CHSY3: variants seen among roughly 807,000 people sequenced by gnomAD.
CHSY3 encodes chondroitin sulfate synthase 3.
In CHSY3, 35 loss-of-function variants were observed where a neutral mutation model predicts 67.2. The ratio of observed to expected loss-of-function variants is 0.52; its 90% CI spans 0.40 to 0.69. CHSY3 has a LOEUF of 0.69. Ranked by LOEUF, CHSY3 falls within the 30% of genes least tolerant of loss-of-function variation. The pLI, the probability that CHSY3 is intolerant of heterozygous loss-of-function variation, is 0.00. For synonymous variants in CHSY3, 474 were observed against 434.7 expected (o/e 1.09, Z -1.12); for missense variants, 1,069 against 1,138.5 (o/e 0.94, Z 0.88).
At chr5:130,171,149 A>G (rs937670018) in intron 2 of CHSY3, among the ~76,000 whole-genome samples, 1 of 152,170 alleles carries the variant, frequency 6.6e-6, no homozygotes, top group Non-Finnish European at 1.5e-5. Context: ...TTGAAAGTTT[A>G]CCAAATTTTT....
intron 2 of CHSY3, among the ~76,000 whole-genome samples, chr5:130,136,160 C>T (rs185244345): frequency 9.8e-5 from 15 of 152,290 alleles, no homozygotes; most frequent in African/African-American, 3.1e-4. Context: ...GTGAGAAAGG[C>T]TTCACCAAGG....
At chr5:130,180,747 C>T (rs956980383) in intron 2 of CHSY3, among the ~76,000 whole-genome samples, 1 of 151,726 alleles carries the variant, frequency 6.6e-6, no homozygotes, top group Non-Finnish European at 1.5e-5. Context: ...CCTAGCTACT[C>T]AGGAGGCTGA....
intron 2 of CHSY3, among the ~76,000 whole-genome samples, chr5:130,023,991 CTAGGTATTGG>C (rs761170787): frequency 2.0e-5 from 3 of 151,796 alleles, no homozygotes; most frequent in Non-Finnish European, 4.4e-5. Flanking sequence ...TTTCCTAATA[CTAGGTATTGG>C]TAGCAACTCT....
chr5:130,036,373 G>T (rs148138886), intron 2 of CHSY3, among the ~76,000 whole-genome samples: 1 of 151,950 alleles, frequency 6.6e-6, no homozygotes, highest in East Asian at 1.9e-4. Context: ...CTAGCATATC[G>T]TAGCTAATCT....
At chr5:129,923,175 A>G (rs895772095) in intron 2 of CHSY3, among the ~76,000 whole-genome samples, 1 of 152,154 alleles carries the variant, frequency 6.6e-6, no homozygotes, top group African/African-American at 2.4e-5. Flanking sequence ...TTGCAGAACT[A>G]GTGATTGATT....
chr5:129,908,177 A>C lies in CHSY3; in HGVS notation c.903A>C (p.Gly301=), dbSNP rs1760389615. Residue 301 remains glycine, a synonymous_variant, in exon 2 of 3, where the codon GGA becomes GGC. Coordinates refer to ENST00000305031, the MANE Select transcript of CHSY3 (RefSeq NM_175856.5). ...ATATTGAAGAGCTTGGAAAGCTGGG[A>C]CTGGAGCCTGGGGAAAACTTCTGTA... ...LGNIEELGKL[G]LEPGENFCMG... 6.2e-7 allele frequency: 1 copy of C among 1,614,118 alleles called. No individual in the cohort carries two copies. The highest frequency in any genetic ancestry group is 8.5e-7 in the Non-Finnish European group (1 of 1,180,054).
intron 2 of CHSY3, among the ~76,000 whole-genome samples, chr5:130,181,489 T>C (rs1040075211): frequency 3.3e-5 from 5 of 152,092 alleles, no homozygotes; most frequent in African/African-American, 1.2e-4. Flanking sequence ...GGCCCACATA[T>C]CCACACATTT....
intron 2 of CHSY3, among the ~76,000 whole-genome samples, chr5:130,073,189 A>G (rs1158849445): frequency 2.6e-5 from 4 of 152,148 alleles, no homozygotes; most frequent in African/African-American, 4.8e-5. Flanking sequence ...TGGATGATGT[A>G]TATGTTAATT....
chr5:130,107,273 T>C (rs1019788219), intron 2 of CHSY3, among the ~76,000 whole-genome samples: 2 of 151,346 alleles, frequency 1.3e-5, no homozygotes, highest in Admixed American at 6.6e-5. Context: ...CCAAGCATTA[T>C]GTAAAGGGTA....
intron 2 of CHSY3, among the ~76,000 whole-genome samples, chr5:129,996,506 A>G (rs1472858048): frequency 6.6e-6 from 1 of 152,202 alleles, no homozygotes; most frequent in Non-Finnish European, 1.5e-5. Flanking sequence ...ACTTAATGCC[A>G]TAAACAGTTT....
intron 2 of CHSY3, among the ~76,000 whole-genome samples, chr5:130,122,758 G>A (rs151038348): frequency 2.6e-5 from 4 of 152,220 alleles, no homozygotes; most frequent in East Asian, 3.9e-4. Flanking sequence ...AAATCTTATC[G>A]TCAGCCAGGA....
chr5:129,943,620 T>G (rs967015013), intron 2 of CHSY3, among the ~76,000 whole-genome samples: 1 of 152,204 alleles, frequency 6.6e-6, no homozygotes, highest in African/African-American at 2.4e-5. Flanking sequence ...ATTTTTTCCC[T>G]TTAAACGTAT....
At chr5:130,131,922 A>G (rs1395552801) in intron 2 of CHSY3, among the ~76,000 whole-genome samples, 3 of 152,164 alleles carry the variant, frequency 2.0e-5, no homozygotes, top group Non-Finnish European at 4.4e-5. Flanking sequence ...AAATTGTATC[A>G]TAGAGAGTGC....
chr5:130,021,850 G>T (rs1440452197), intron 2 of CHSY3, among the ~76,000 whole-genome samples: 1 of 152,032 alleles, frequency 6.6e-6, no homozygotes, highest in Non-Finnish European at 1.5e-5. Context: ...GCTAATTGGG[G>T]TTTCAATAAA....
intron 2 of CHSY3, among the ~76,000 whole-genome samples, chr5:129,939,432 C>A (rs2149593609): frequency 6.6e-6 from 1 of 152,134 alleles, no homozygotes; most frequent in South Asian, 2.1e-4. Context: ...TTAATATGAC[C>A]CTTTAAAACT....
chr5:129,986,317 A>C (rs1463734572), intron 2 of CHSY3, among the ~76,000 whole-genome samples: 4 of 152,230 alleles, frequency 2.6e-5, no homozygotes, highest in Non-Finnish European at 5.9e-5. Context: ...TGTTTGTGTG[A>C]TGAATCACAA....
chr5:129,963,495 T>C (rs1316637432), intron 2 of CHSY3, among the ~76,000 whole-genome samples: 3 of 152,012 alleles, frequency 2.0e-5, no homozygotes, highest in African/African-American at 7.2e-5. Flanking sequence ...GTGTGTACTA[T>C]TAACATATGA....
chr5:129,979,162 T>C (rs1300352982), intron 2 of CHSY3, among the ~76,000 whole-genome samples: 38 of 121,226 alleles, frequency 3.1e-4, no homozygotes, highest in African/African-American at 1.2e-3. Context: ...ATCGCGCCCC[T>C]GCACTCCAGC....
intron 2 of CHSY3, among the ~76,000 whole-genome samples, chr5:130,019,737 T>C (rs1280661849): frequency 6.6e-6 from 1 of 152,220 alleles, no homozygotes; most frequent in Non-Finnish European, 1.5e-5. Context: ...TATAAATTTC[T>C]TATTCAGTGT....
Sources: gnomAD v4.1 joint callset for allele counts (sites outside exome capture counted in the v4.1 genomes callset) on GRCh38, gnomAD v4.1.1 for gene constraint, MANE v1.5 for transcripts, NCBI Gene and HGNC (gene_info 2026-07-23, HGNC 2026-07-21) for gene names.